Variants in ATOH8 observed in about 807,000 individuals in gnomAD.
ATOH8 encodes atonal bHLH transcription factor 8.
ATOH8 carries 9 observed loss-of-function variants against 21.2 expected under a neutral mutation model. That is an observed-to-expected ratio of 0.42 (90% CI 0.26 to 0.74). The LOEUF is 0.74. Among genes scored for constraint, ATOH8 ranks in the 30% least tolerant of loss-of-function variants. ATOH8 has a pLI of 0.24. For synonymous variants in ATOH8, 253 were observed against 224.0 expected (o/e 1.13, Z -1.16); for missense variants, 524 against 470.9 (o/e 1.11, Z -1.04).
chr2:85,780,363 T>C (rs1402831250), intron 2 of ATOH8: 1 of 152,306 alleles, frequency 6.6e-6, no homozygotes, highest in African/African-American at 2.4e-5. Flanking sequence ...CGATTGTTTC[T>C]TACTGATAGG....
In ATOH8 at chr2:85,790,575, C is replaced by T. The variant is rs1297141792; in HGVS notation, c.*3685C>T. Among the ~76,000 whole-genome samples the T allele has an allele frequency of 6.6e-6, 1 of 152,232 alleles. No homozygotes were observed. Among genetic ancestry groups the T allele is most frequent in the Non-Finnish European group, 1.5e-5 (1 of 68,050 alleles). On this transcript the variant is annotated 3_prime_UTR_variant, in exon 3 of 3. Transcript: ENST00000306279. Reference sequence around the variant, plus strand: ...GTCTCCATGGCCACATCCTTCAAGGCTCTGTGCTGTTCTCTTTTTTTCTGG... The same window carrying T: ...GTCTCCATGGCCACATCCTTCAAGGTTCTGTGCTGTTCTCTTTTTTTCTGG...
chr2:85,754,774 T>G lies in ATOH8; in HGVS notation c.585T>G (p.Ile195Met). Reference sequence around the variant, plus strand: ...CCGGGGAAAGTTCCTACTCGTCAATTTCACACGTAATTTACAATAACCACC... The same window carrying G: ...CCGGGGAAAGTTCCTACTCGTCAATGTCACACGTAATTTACAATAACCACC... ...TRPGESSYSS[I>M]SHVIYNNHQD... Residue 195 changes from isoleucine to methionine, a missense_variant, in exon 1 of 3, where the codon ATT becomes ATG. Physicochemically the swap from Ile to Met is conservative, Grantham distance 10. Coordinates refer to ENST00000306279, the MANE Select transcript of ATOH8 (RefSeq NM_032827.7). The G allele has an allele frequency of 6.2e-7, 1 of 1,612,852 alleles. No homozygotes were observed.
At position 85,764,051 on chromosome 2, in the gene ATOH8, A is replaced by G. The variant is rs751135133; in HGVS notation, c.829A>G (p.Asn277Asp). The change falls in exon 2 of 3, where the codon AAC (asparagine) becomes GAC (aspartate). Residue 277 changes from asparagine (N) to aspartate (D), a missense_variant. Transcript: ENST00000306279. ...ACTGGCCATCCTGAGGATCGCCTGT[A>G]ACTACATCCTGTCCCTGGCGCGGCT... is the stretch of plus-strand genomic sequence containing the variant. Reference protein sequence around the residue: ...SKLAILRIACNYILSLARLAD... With the variant: ...SKLAILRIACDYILSLARLAD... The G allele has an allele frequency of 1.2e-6, 2 of 1,614,172 alleles. No homozygotes were observed. The highest frequency in any genetic ancestry group is 2.2e-5 in the South Asian group (2 of 91,074).
In ATOH8 at chr2:85,754,939, C is replaced by T. The variant is rs2104489734; in HGVS notation, c.750C>T (p.Phe250=). 1 of 1,597,040 alleles carries T rather than the reference C, an allele frequency of 6.3e-7. No homozygotes were observed. The highest frequency in any genetic ancestry group is 1.3e-5 in the African/African-American group (1 of 74,298). Residue 250 remains phenylalanine, a synonymous_variant, in exon 1 of 3, where the codon TTC becomes TTT. Transcript: ENST00000306279. ...RTRVHTISAA[F]EALRKQVPCY... The stretch of plus-strand genomic sequence containing the variant: ...GGGTGCACACCATCAGCGCAGCCTT[C>T]GAGGCGCTCAGGAAGCAGGTACCCG...
rs1007520619 is a variant in ATOH8, at chr2:85,785,696, G to A, written c.961-1189G>A. Among the ~76,000 whole-genome samples, 1 of 152,176 alleles carries A rather than the reference G, an allele frequency of 6.6e-6. No individual in the cohort carries two copies. Among genetic ancestry groups the A allele is most frequent in the Non-Finnish European group, 1.5e-5 (1 of 68,028 alleles). On this transcript the variant is annotated intron_variant, in intron 2 of 2. Coordinates refer to ENST00000306279, the MANE Select transcript of ATOH8 (RefSeq NM_032827.7). The surrounding 1 kb of genome is among the most constrained non-coding windows in gnomAD (Gnocchi z 4.1). ...ACTGCCGATCTGGATTCAAATCCTG[G>A]CACTGGCAACTTCTAGCACTTCCTT... is the stretch of plus-strand genomic sequence containing the variant.
intron 2 of ATOH8, chr2:85,774,348 T>C: frequency 1.0e-6 from 1 of 985,526 alleles, no homozygotes; most frequent in Non-Finnish European, 1.2e-6. Context: ...CCTGGCACAG[T>C]GCGAGGCCTC....
Position 85,755,032 on chromosome 2 carries a change from G to A in ATOH8, c.768+75G>A, listed in dbSNP as rs576918797. Reference sequence around the variant, plus strand: ...GAATGGGTGGGCGAGTGGCCGGGGCGGGATAGAGGTGTGTTTAAGGGGCAA... The same window carrying A: ...GAATGGGTGGGCGAGTGGCCGGGGCAGGATAGAGGTGTGTTTAAGGGGCAA... On this transcript the variant is annotated intron_variant, in intron 1 of 2. Coordinates refer to ENST00000306279, the MANE Select transcript of ATOH8 (RefSeq NM_032827.7). The A allele has an allele frequency of 1.3e-5, 19 of 1,471,666 alleles. No homozygotes were observed. The South Asian group carries it at 2.2e-4, about 17-fold the overall frequency. 91.2% of individuals were successfully genotyped at this position (1,471,666 alleles called of 1,614,324 possible). A position where few individuals can be genotyped will look rare whatever the true frequency, so the allele number is the denominator to read the frequency against.
chr2:85,781,079 T>A (rs1475059707), intron 2 of ATOH8: 1 of 987,968 alleles, frequency 1.0e-6, no homozygotes, highest in Non-Finnish European at 1.2e-6. Context: ...AACGCAAGGA[T>A]GTCCAGGCTT....
At chr2:85,764,952 C>T (rs909707345) in intron 2 of ATOH8, among the ~76,000 whole-genome samples, 8 of 152,052 alleles carry the variant, frequency 5.3e-5, no homozygotes, top group Non-Finnish European at 1.2e-4. Flanking sequence ...GAGGGAACAG[C>T]ATCTGAGGCA....
intron 2 of ATOH8, chr2:85,775,330 G>T: frequency 1.0e-6 from 1 of 970,734 alleles, no homozygotes; most frequent in Non-Finnish European, 1.2e-6. Flanking sequence ...TCCCTATGCT[G>T]ATGGCAAGGG....
intron 1 of ATOH8, among the ~76,000 whole-genome samples, chr2:85,761,532 G>T (rs1245817389): frequency 4.6e-5 from 7 of 152,186 alleles, no homozygotes; most frequent in Non-Finnish European, 1.0e-4. Context: ...AGTGACCCTG[G>T]ATCACAGCGT....
intron 1 of ATOH8, among the ~76,000 whole-genome samples, chr2:85,760,182 G>A (rs1022512975): frequency 3.9e-5 from 6 of 152,126 alleles, no homozygotes; most frequent in Admixed American, 2.0e-4. Context: ...AAATGCCAAA[G>A]TCTGTTCCTC....
Position 85,789,843 on chromosome 2 carries a change from C to T in ATOH8, c.*2953C>T, listed in dbSNP as rs1280448905. On this transcript the variant is annotated 3_prime_UTR_variant, in exon 3 of 3. Transcript: ENST00000306279. Reference sequence around the variant, plus strand: ...CTGGGTGGATGTGTGTGTGTGCACACATATGTATGTATGTGGATGACTAAA... The same window carrying T: ...CTGGGTGGATGTGTGTGTGTGCACATATATGTATGTATGTGGATGACTAAA... Among the ~76,000 whole-genome samples the T allele has an allele frequency of 6.6e-6, 1 of 152,098 alleles. No individual in the cohort carries two copies. Among genetic ancestry groups the T allele is most frequent in the African/African-American group, 2.4e-5 (1 of 41,414 alleles).
intron 2 of ATOH8, among the ~76,000 whole-genome samples, chr2:85,767,643 A>G (rs961978953): frequency 1.4e-4 from 4 of 28,362 alleles, no homozygotes; most frequent in Admixed American, 4.6e-4. Context: ...CAGTGCAGGT[A>G]CAAAATAATT....
intron 2 of ATOH8, among the ~76,000 whole-genome samples, chr2:85,765,993 G>T (rs1402615567): frequency 6.6e-6 from 1 of 152,160 alleles, no homozygotes; most frequent in East Asian, 1.9e-4. Context: ...GCATAGCACA[G>T]CCCCGAGTTC....
Position 85,754,715 on chromosome 2 carries a change from G to GAGTCCACTGTGCGCCCTGCGCCCCCGA in ATOH8, c.527_553dup (p.Pro184_Thr185insLysSerThrValArgProAlaProPro), listed in dbSNP as rs775947390. On this transcript the variant is annotated inframe_insertion, in exon 1 of 3. Transcript: ENST00000306279. ...ACCCCCAGCACCGCCAGCGCCCCCG[G>GAGTCCACTGTGCGCCCTGCGCCCCCGA]AGTCCACTGTGCGCCCTGCGCCCCC... The GAGTCCACTGTGCGCCCTGCGCCCCCGA allele has an allele frequency of 3.1e-6, 5 of 1,611,454 alleles. No individual in the cohort carries two copies. In the Admixed American group the frequency reaches 8.3e-5, roughly 27 times the overall value.
chr2:85,778,476 A>G (rs1027371066), intron 2 of ATOH8, among the ~76,000 whole-genome samples: 1 of 152,188 alleles, frequency 6.6e-6, no homozygotes, highest in Non-Finnish European at 1.5e-5. Flanking sequence ...ATTTGCATGG[A>G]ACGCACACTG....
intron 2 of ATOH8, chr2:85,774,410 C>T: frequency 1.0e-6 from 1 of 985,572 alleles, no homozygotes; most frequent in African/African-American, 1.7e-5. Flanking sequence ...TTAAACAGGC[C>T]ATGCCCTTTC....
intron 2 of ATOH8, among the ~76,000 whole-genome samples, chr2:85,784,968 G>A (rs953042338): frequency 5.9e-5 from 9 of 152,210 alleles, no homozygotes; most frequent in Admixed American, 3.3e-4. Context: ...CCAGGAAAAG[G>A]GTGAGGTCGA....
Sources: gnomAD v4.1 joint callset for allele counts (sites outside exome capture counted in the v4.1 genomes callset) on GRCh38, gnomAD v4.1.1 for gene constraint, Gnocchi (gnomAD v3.1) non-coding constraint, MANE v1.5 for transcripts, NCBI Gene and HGNC (gene_info 2026-07-23, HGNC 2026-07-21) for gene names.